RARB: variants seen among roughly 807,000 people sequenced by gnomAD.
The protein encoded by RARB is retinoic acid receptor beta.
A neutral mutation model predicts 51.9 loss-of-function variants in RARB; 17 were observed. The observed-to-expected ratio is 0.33, with a 90% CI of 0.22 to 0.49. RARB has a LOEUF of 0.49. Ranked by LOEUF, RARB falls within the 20% of genes least tolerant of loss-of-function variation. The pLI is 0.99. For synonymous variants in RARB, 215 were observed against 195.4 expected, an observed-to-expected ratio of 1.10 and a Z score of -0.84; for missense variants, 369 against 550.8, an observed-to-expected ratio of 0.67 and a Z score of 3.30.
At chr3:25,377,888 A>G (rs892713765) in intron 5 of RARB, among the ~76,000 whole-genome samples, 4 of 152,204 alleles carry the variant, frequency 2.6e-5, no homozygotes, top group Non-Finnish European at 5.9e-5. Flanking sequence ...AAATAGCCAA[A>G]GCCCACTTCT....
chr3:25,118,521 A>G (rs888487382), intron 3 of RARB, among the ~76,000 whole-genome samples: 1 of 152,178 alleles, frequency 6.6e-6, no homozygotes, highest in East Asian at 1.9e-4. Flanking sequence ...AATCCTCCAT[A>G]GGTGCATCTT....
chr3:25,331,414 C>T (rs918756199), intron 5 of RARB, among the ~76,000 whole-genome samples: 6 of 152,172 alleles, frequency 3.9e-5, no homozygotes, highest in Non-Finnish European at 8.8e-5. Flanking sequence ...ACAACCTGCT[C>T]CTGAATGACT....
At chr3:25,187,349 C>T (rs1701002718) in intron 5 of RARB, among the ~76,000 whole-genome samples, 2 of 152,058 alleles carry the variant, frequency 1.3e-5, no homozygotes, top group South Asian at 4.2e-4. Context: ...ACAGGTACTT[C>T]TTGGTGGTGC....
intron 3 of RARB, among the ~76,000 whole-genome samples, chr3:25,111,031 C>T (rs78227199): frequency 1.3e-5 from 2 of 152,162 alleles, no homozygotes; most frequent in Non-Finnish European, 2.9e-5. Flanking sequence ...CATCTTGGCT[C>T]TCTTTCCAGC....
intron 2 of RARB, among the ~76,000 whole-genome samples, chr3:24,926,913 G>T (rs528272623): frequency 6.6e-6 from 1 of 152,144 alleles, no homozygotes; most frequent in African/African-American, 2.4e-5. Context: ...TAAGTGAAAA[G>T]ACTAGTTTGA....
At chr3:24,919,823 T>G (rs905970292) in intron 2 of RARB, among the ~76,000 whole-genome samples, 1 of 152,236 alleles carries the variant, frequency 6.6e-6, no homozygotes. Flanking sequence ...TCTAGCAGTT[T>G]CCTCTTTCTG....
intron 5 of RARB, among the ~76,000 whole-genome samples, chr3:25,334,543 C>T (rs322686): frequency 6.6e-6 from 1 of 151,786 alleles, no homozygotes; most frequent in Admixed American, 6.6e-5. Context: ...GTGGAGGGAG[C>T]GGGGAAGGAT....
chr3:25,107,847 T>A (rs1252935405), intron 3 of RARB, among the ~76,000 whole-genome samples: 1 of 152,238 alleles, frequency 6.6e-6, no homozygotes, highest in African/African-American at 2.4e-5. Flanking sequence ...TTGTTCTTAC[T>A]GTAGATCTTA....
intron 2 of RARB, among the ~76,000 whole-genome samples, chr3:24,915,620 C>G (rs57033410): frequency 0.014 from 2,160 of 152,232 alleles, 53 homozygotes; most frequent in African/African-American, 0.046. Flanking sequence ...TTAAGCCTCT[C>G]AGAAAGGGAA....
chr3:24,944,242 T>TTTG (rs1423975456), intron 2 of RARB, among the ~76,000 whole-genome samples: 1 of 152,190 alleles, frequency 6.6e-6, no homozygotes, highest in African/African-American at 2.4e-5. Flanking sequence ...GGCCTTCTCA[T>TTTG]TTGTTCTCCA....
intron 2 of RARB, among the ~76,000 whole-genome samples, chr3:25,019,060 C>T (rs1189838764): frequency 2.0e-5 from 3 of 152,126 alleles, no homozygotes; most frequent in Admixed American, 2.0e-4. Flanking sequence ...AAATATTGAG[C>T]TAGTTTTAAA....
intron 1 of RARB, among the ~76,000 whole-genome samples, chr3:25,450,232 A>G (rs1709131831): frequency 6.6e-6 from 1 of 152,212 alleles, no homozygotes; most frequent in Admixed American, 6.5e-5. Flanking sequence ...TGTGGTGACC[A>G]TATTAGTCGC....
intron 5 of RARB, among the ~76,000 whole-genome samples, chr3:25,397,662 C>G (rs1374052964): frequency 1.3e-5 from 2 of 152,016 alleles, no homozygotes; most frequent in Non-Finnish European, 2.9e-5. Flanking sequence ...ATTGAGTATC[C>G]CTTCTGTTCC....
intron 3 of RARB, among the ~76,000 whole-genome samples, chr3:25,076,363 TCTC>T (rs1207295734): frequency 6.6e-6 from 1 of 152,094 alleles, no homozygotes; most frequent in Non-Finnish European, 1.5e-5. Flanking sequence ...TTGGTCTCGA[TCTC>T]CTGACCTTGT....
intron 2 of RARB, among the ~76,000 whole-genome samples, chr3:25,463,933 A>G (rs965289591): frequency 2.6e-5 from 4 of 152,174 alleles, no homozygotes; most frequent in Non-Finnish European, 5.9e-5. Flanking sequence ...GCAGCTGACT[A>G]AAAAGGAAGA....
At chr3:25,405,495 T>G (rs968736612) in intron 5 of RARB, among the ~76,000 whole-genome samples, 3 of 152,222 alleles carry the variant, frequency 2.0e-5, no homozygotes, top group Non-Finnish European at 4.4e-5. Flanking sequence ...AGAACTCCTC[T>G]GCTCTCACCT....
At chr3:25,488,525 A>ACC (rs113463175) in intron 2 of RARB, among the ~76,000 whole-genome samples, 5 of 151,892 alleles carry the variant, frequency 3.3e-5, no homozygotes, top group African/African-American at 1.2e-4. Flanking sequence ...AGGCTGAAAC[A>ACC]CCCCCAAAGC....
intron 2 of RARB, among the ~76,000 whole-genome samples, chr3:25,030,136 A>G (rs1277549375): frequency 6.6e-6 from 1 of 152,208 alleles, no homozygotes; most frequent in East Asian, 1.9e-4. Flanking sequence ...CTTTTCTATT[A>G]TTATGTTACT....
At chr3:25,383,796 G>C (rs1342030074) in intron 5 of RARB, among the ~76,000 whole-genome samples, 1 of 151,974 alleles carries the variant, frequency 6.6e-6, no homozygotes, top group African/African-American at 2.4e-5. Flanking sequence ...CAGGCGTGGT[G>C]GCAGGCACCT....
Sources: allele counts gnomAD v4.1 joint callset (sites outside exome capture counted in the v4.1 genomes callset), GRCh38; gene constraint gnomAD v4.1.1; transcripts MANE v1.5; gene names NCBI Gene and HGNC (gene_info 2026-07-23, HGNC 2026-07-21).